Variants in NOX4 observed in about 807,000 individuals in gnomAD.
NOX4 encodes kidney oxidase-1.
NOX4 carries 69 observed loss-of-function variants against 87.6 expected under a neutral mutation model. The observed-to-expected ratio is 0.79, with a 90% CI of 0.65 to 0.96. The LOEUF is 0.96. NOX4 is among the 40% of genes least tolerant of loss of function. NOX4 has a pLI of 0.00. For synonymous variants in NOX4, 275 were observed against 238.2 expected (o/e 1.15, Z -1.42); for missense variants, 680 against 681.5 (o/e 1.00, Z 0.02).
chr11:89,422,320 T>A (rs759204587), intron 7 of NOX4, among the ~76,000 whole-genome samples: 4 of 152,310 alleles, frequency 2.6e-5, no homozygotes, highest in Non-Finnish European at 4.4e-5. Context: ...ATTTTATCAA[T>A]ATTCTCAGTT....
At chr11:89,527,201 T>C in the NOX4 span, among the ~76,000 whole-genome samples, 1 of 152,180 alleles carries the variant, frequency 6.6e-6, no homozygotes, top group Admixed American at 6.5e-5. Flanking sequence ...CAGCAAAACA[T>C]TCAAGAGATG....
At chr11:89,557,339 T>G in the NOX4 span, 5 of 152,106 alleles carry the variant, frequency 3.3e-5, no homozygotes, top group African/African-American at 1.2e-4. Flanking sequence ...TTGAAACACT[T>G]CACTGACAAC....
At chr11:89,587,865 A>G in the NOX4 span, among the ~76,000 whole-genome samples, 4 of 152,162 alleles carry the variant, frequency 2.6e-5, no homozygotes, top group African/African-American at 9.7e-5. Flanking sequence ...ACACTGGAGA[A>G]CAGATGGCCA....
chr11:89,401,126 G>T (rs149599034), intron 9 of NOX4, among the ~76,000 whole-genome samples: 2,856 of 152,010 alleles, frequency 0.019, 84 homozygotes, highest in African/African-American at 0.065. Context: ...ACTAAAACTT[G>T]TCTTAATGGT....
At chr11:89,348,376 T>C (rs1291105060) in intron 13 of NOX4, among the ~76,000 whole-genome samples, 2 of 151,414 alleles carry the variant, frequency 1.3e-5, no homozygotes, top group Non-Finnish European at 2.9e-5. Flanking sequence ...GATTGTACCA[T>C]TGCACTCCAA....
At chr11:89,514,460 T>C in the NOX4 span, among the ~76,000 whole-genome samples, 1,189 of 152,110 alleles carry the variant, frequency 7.8e-3, 17 homozygotes, top group African/African-American at 0.027. Context: ...TTTTCTTCTA[T>C]CTTTATAATT....
At chr11:89,329,150 T>C (rs1945345399) in intron 17 of NOX4, among the ~76,000 whole-genome samples, 1 of 151,610 alleles carries the variant, frequency 6.6e-6, no homozygotes, top group South Asian at 2.1e-4. Context: ...AGGCTTCATA[T>C]ATTTAAAGAA....
intron 2 of NOX4, among the ~76,000 whole-genome samples, chr11:89,477,258 G>A (rs1946204656): frequency 6.6e-6 from 1 of 152,092 alleles, no homozygotes; most frequent in Admixed American, 6.6e-5. Context: ...CAGATCATCA[G>A]GCATTAGATG....
intron 12 of NOX4, among the ~76,000 whole-genome samples, chr11:89,361,296 G>C (rs2135004913): frequency 6.6e-6 from 1 of 152,176 alleles, no homozygotes; most frequent in East Asian, 1.9e-4. Context: ...AATGTCTTTT[G>C]CAGCAACTTG....
At chr11:89,503,314 A>C in the NOX4 span, among the ~76,000 whole-genome samples, 5 of 152,016 alleles carry the variant, frequency 3.3e-5, no homozygotes, top group African/African-American at 9.7e-5. Flanking sequence ...AAAAGAGTCC[A>C]ATTCTATTTA....
chr11:89,584,729 A>G, the NOX4 span, among the ~76,000 whole-genome samples: 1 of 152,162 alleles, frequency 6.6e-6, no homozygotes, highest in Non-Finnish European at 1.5e-5. Flanking sequence ...GAGCATTGAA[A>G]TTCCCCCATC....
chr11:89,392,413 C>T (rs534098193), intron 11 of NOX4, among the ~76,000 whole-genome samples: 9 of 152,194 alleles, frequency 5.9e-5, no homozygotes, highest in African/African-American at 9.6e-5. Flanking sequence ...ATGGAGCTTC[C>T]GTGAGGTGAG....
chr11:89,431,353 T>C (rs1273845562), intron 7 of NOX4, among the ~76,000 whole-genome samples: 1 of 151,798 alleles, frequency 6.6e-6, no homozygotes, highest in Non-Finnish European at 1.5e-5. Context: ...AAATTGAAAA[T>C]GGGATCTAAT....
At position 89,375,375 on chromosome 11, in the gene NOX4, G is replaced by A. The variant is rs576422093; in HGVS notation, c.1075-1883C>T. Among the ~76,000 whole-genome samples the A allele has an allele frequency of 2.7e-4, 41 of 151,990 alleles. 1 individual carries two copies. In the South Asian group the frequency reaches 7.7e-3, roughly 29 times the overall value. ...GGCTGGAGTGCAGTGGCACGATCTC[G>A]GCTCAATGCAACCTCTGCCTCCCAG... On this transcript the variant is annotated intron_variant, in intron 11 of 17. Transcript: ENST00000263317.
At chr11:89,483,616 G>T (rs1479450841) in intron 2 of NOX4, among the ~76,000 whole-genome samples, 1 of 151,196 alleles carries the variant, frequency 6.6e-6, no homozygotes, top group African/African-American at 2.4e-5. Flanking sequence ...GGTGGGAGGG[G>T]GTTGGGTAGC....
chr11:89,385,832 C>T (rs1940661420), intron 11 of NOX4, among the ~76,000 whole-genome samples: 1 of 152,120 alleles, frequency 6.6e-6, no homozygotes, highest in Admixed American at 6.5e-5. Context: ...TGGATAGAGG[C>T]CTTTCCCACA....
chr11:89,429,565 G>A (rs1943660057), intron 7 of NOX4, among the ~76,000 whole-genome samples: 1 of 152,154 alleles, frequency 6.6e-6, no homozygotes, highest in Admixed American at 6.5e-5. Flanking sequence ...ACTACCATCA[G>A]AGAATACTAT....
the NOX4 span, among the ~76,000 whole-genome samples, chr11:89,538,822 T>C: frequency 6.6e-6 from 1 of 152,084 alleles, no homozygotes; most frequent in South Asian, 2.1e-4. Context: ...CCAGATGTTA[T>C]GGACTCAATG....
intron 13 of NOX4, among the ~76,000 whole-genome samples, chr11:89,354,422 G>A (rs1937833717): frequency 6.6e-6 from 1 of 152,120 alleles, no homozygotes; most frequent in Admixed American, 6.6e-5. Context: ...GGGCATCTAT[G>A]AGAAGGAAAG....
Sources: gnomAD v4.1 joint callset for allele counts (sites outside exome capture counted in the v4.1 genomes callset) on GRCh38, gnomAD v4.1.1 for gene constraint, MANE v1.5 for transcripts, NCBI Gene and HGNC (gene_info 2026-07-23, HGNC 2026-07-21) for gene names.